LRRC7: variants seen among roughly 807,000 people sequenced by gnomAD.
LRRC7 encodes the protein leucine-rich repeat-containing protein 7.
A neutral mutation model predicts 175.7 loss-of-function variants in LRRC7; 23 were observed. That is an observed-to-expected ratio of 0.13 (90% confidence interval 0.09 to 0.19). The LOEUF (loss-of-function observed/expected upper bound fraction) is 0.19. Among genes scored for constraint, LRRC7 ranks in the 10% least tolerant of loss-of-function variants. The pLI is 1.00. For missense variants in LRRC7, 1,354 were observed against 1,904.7 expected, an observed-to-expected ratio of 0.71 and a Z score of 5.38; for synonymous variants, 685 against 680.9, an observed-to-expected ratio of 1.01 and a Z score of -0.09.
intron 1 of LRRC7, among the ~76,000 whole-genome samples, chr1:69,575,258 T>C (rs1645898987): frequency 6.6e-6 from 1 of 152,138 alleles, no homozygotes; most frequent in Admixed American, 6.6e-5. Context: ...ACCACACCCT[T>C]GGAACTACTG....
At chr1:69,947,601 ATATC>A (rs1460343113) in intron 8 of LRRC7, among the ~76,000 whole-genome samples, 3 of 151,954 alleles carry the variant, frequency 2.0e-5, no homozygotes, top group Admixed American at 6.6e-5. Context: ...TTTATATTAT[ATATC>A]TATCAACTTA....
At chr1:69,701,474 A>C (rs1663345669) in intron 2 of LRRC7, among the ~76,000 whole-genome samples, 1 of 152,218 alleles carries the variant, frequency 6.6e-6, no homozygotes, top group Non-Finnish European at 1.5e-5. Context: ...TGAATTAGTG[A>C]ATAGGACAGA....
intron 26 of LRRC7, among the ~76,000 whole-genome samples, chr1:70,112,665 A>C (rs945254762): frequency 6.6e-6 from 1 of 152,140 alleles, no homozygotes; most frequent in African/African-American, 2.4e-5. Context: ...CCAGTGAATC[A>C]CTGAGGGAGA....
chr1:69,641,399 AG>A (rs1203496641), intron 1 of LRRC7, among the ~76,000 whole-genome samples: 4 of 151,582 alleles, frequency 2.6e-5, no homozygotes, highest in Non-Finnish European at 4.4e-5. Flanking sequence ...TTATTTATTT[AG>A]ACATATACAA....
intron 7 of LRRC7, among the ~76,000 whole-genome samples, chr1:69,888,179 A>T (rs1347263807): frequency 6.6e-6 from 1 of 151,336 alleles, no homozygotes; most frequent in African/African-American, 2.4e-5. Context: ...TTGTTTACCT[A>T]AGCAAGCCTG....
At chr1:70,005,408 A>G (rs1413682578) in intron 11 of LRRC7, among the ~76,000 whole-genome samples, 1 of 152,226 alleles carries the variant, frequency 6.6e-6, no homozygotes, top group African/African-American at 2.4e-5. Context: ...GAAATTATAA[A>G]TTATCTATGT....
At chr1:70,025,698 A>G (rs1005897766) in intron 17 of LRRC7, among the ~76,000 whole-genome samples, 37 of 152,116 alleles carry the variant, frequency 2.4e-4, no homozygotes, top group Admixed American at 1.2e-3. Context: ...GAATAAATCT[A>G]TTTCTTAAAT....
At chr1:69,744,813 A>G (rs1319590336) in intron 2 of LRRC7, among the ~76,000 whole-genome samples, 3 of 151,916 alleles carry the variant, frequency 2.0e-5, no homozygotes, top group Non-Finnish European at 4.4e-5. Flanking sequence ...AAAAATAAAT[A>G]TTTTTTCCCA....
At position 70,126,634 on chromosome 1, in the gene LRRC7, A is replaced by G. The variant is rs998506238; in HGVS notation, c.*4747A>G. On this transcript the variant is annotated 3_prime_UTR_variant, in exon 27 of 27. Transcript: ENST00000651989. Reference sequence around the variant, plus strand: ...CAACACCATACCCAAAGAATACATTATAGCAAGAAAACAGAATGTGGGCTG... The same window carrying G: ...CAACACCATACCCAAAGAATACATTGTAGCAAGAAAACAGAATGTGGGCTG... 2.6e-5 allele frequency among the ~76,000 whole-genome samples: 4 copies of G among 152,208 alleles called. No homozygotes were observed. Among genetic ancestry groups the G allele is most frequent in the African/African-American group, 9.7e-5 (4 of 41,446 alleles).
intron 1 of LRRC7, chr1:69,607,936 G>T (rs927139139): frequency 4.6e-4 from 70 of 152,204 alleles, no homozygotes; most frequent in African/African-American, 1.6e-3. Flanking sequence ...CCTTGGAGTT[G>T]TCATTACTGT....
Position 70,122,062 on chromosome 1 carries a change from A to G in LRRC7, c.*175A>G, listed in dbSNP as rs1571383147. On this transcript the variant is annotated 3_prime_UTR_variant, in exon 27 of 27. Coordinates refer to ENST00000651989, the MANE Select transcript of LRRC7 (RefSeq NM_001370785.2). ...AAAAAATGTTAACTCTATAAATATG[A>G]TGTTCATGTGGTTATGTATTAGTTT... 1.4e-5 allele frequency: 7 copies of G among 485,184 alleles called. No individual in the cohort carries two copies. In the South Asian group the frequency reaches 2.5e-4, roughly 17 times the overall value. The allele number at this position is 485,184 out of a possible 1,614,324, so 30.1% of individuals were successfully genotyped here.
chr1:69,848,000 T>C (rs1682565926), intron 7 of LRRC7, among the ~76,000 whole-genome samples: 2 of 152,098 alleles, frequency 1.3e-5, no homozygotes, highest in Non-Finnish European at 2.9e-5. Context: ...CAATATACAA[T>C]GCACCTTTAT....
intron 1 of LRRC7, among the ~76,000 whole-genome samples, chr1:69,627,672 TGC>T (rs1651820454): frequency 6.6e-6 from 1 of 152,152 alleles, no homozygotes; most frequent in South Asian, 2.1e-4. Flanking sequence ...TGAATGGTAT[TGC>T]CTAGGTTTTC....
At chr1:69,936,678 G>C (rs149107312) in intron 8 of LRRC7, among the ~76,000 whole-genome samples, 1 of 152,044 alleles carries the variant, frequency 6.6e-6, no homozygotes, top group Admixed American at 6.6e-5. Flanking sequence ...GGTAGTGAGC[G>C]TAGTACCTGA....
At chr1:69,654,875 T>C (rs1656381793) in intron 1 of LRRC7, among the ~76,000 whole-genome samples, 1 of 152,126 alleles carries the variant, frequency 6.6e-6, no homozygotes, top group East Asian at 1.9e-4. Flanking sequence ...AGAAATGAAA[T>C]TAATTTTTAA....
intron 2 of LRRC7, among the ~76,000 whole-genome samples, chr1:69,740,720 C>T (rs866238845): frequency 2.0e-5 from 3 of 152,142 alleles, no homozygotes; most frequent in South Asian, 2.1e-4. Flanking sequence ...GGGCTATATT[C>T]GGTTTACATC....
At chr1:69,971,354 A>C (rs918690212) in intron 8 of LRRC7, among the ~76,000 whole-genome samples, 10 of 152,168 alleles carry the variant, frequency 6.6e-5, no homozygotes, top group African/African-American at 2.4e-4. Context: ...CTCTGATATG[A>C]TTGTTTACCT....
chr1:70,037,977 T>TATC, intron 20 of LRRC7, 136 bp from the exon 21 acceptor site: 2 of 1,190,794 alleles, frequency 1.7e-6, no homozygotes, highest in Non-Finnish European at 1.2e-6. Context: ...ATAATAATAC[T>TATC]ATCTTAATCA....
intron 1 of LRRC7, among the ~76,000 whole-genome samples, chr1:69,617,590 C>T (rs1649868075): frequency 8.2e-6 from 1 of 121,230 alleles, no homozygotes; most frequent in African/African-American, 2.8e-5. Context: ...TACTCTGAGA[C>T]CTTGTGGGAG....
Sources: allele counts gnomAD v4.1 joint callset (sites outside exome capture counted in the v4.1 genomes callset), GRCh38; gene constraint gnomAD v4.1.1; transcripts MANE v1.5; gene names NCBI Gene and HGNC (gene_info 2026-07-23, HGNC 2026-07-21).